The following SLC25A21 variants were observed in gnomAD, a reference collection of about 807,000 sequenced individuals.
SLC25A21 encodes solute carrier family 25 member 21.
A neutral mutation model predicts 43.8 loss-of-function variants in SLC25A21; 47 were observed. The observed-to-expected ratio is 1.07, with a 90% CI of 0.85 to 1.37. SLC25A21 has a LOEUF of 1.37. Ranked by LOEUF, SLC25A21 falls within the 40% of genes most tolerant of loss-of-function variation. The pLI is 0.00. For missense variants in SLC25A21, 352 were observed against 350.2 expected, an observed-to-expected ratio of 1.00 and a Z score of -0.04; for synonymous variants, 131 against 121.3, an observed-to-expected ratio of 1.08 and a Z score of -0.52.
chr14:37,011,683 C>A lies in SLC25A21; in HGVS notation c.71-136679G>T, dbSNP rs138060246. On this transcript the variant is annotated intron_variant, in intron 1 of 9. Transcript: ENST00000331299. ...AGCTAATACGTTTATAGAGTGTATG[C>A]GCCAGGCACTGTTGCAAGCATTTGA... Among the ~76,000 whole-genome samples the A allele has an allele frequency of 3.5e-4, 53 of 152,212 alleles. No homozygotes were observed. In the East Asian group the frequency reaches 6.4e-3, roughly 18 times the overall value.
At chr14:36,764,231 A>G (rs138788790) in intron 3 of SLC25A21, among the ~76,000 whole-genome samples, 1 of 151,428 alleles carries the variant, frequency 6.6e-6, no homozygotes, top group South Asian at 2.1e-4. Context: ...GACAAAACTC[A>G]TCTCAAGGGA....
intron 1 of SLC25A21, among the ~76,000 whole-genome samples, chr14:36,910,435 G>A (rs1298027671): frequency 6.6e-6 from 1 of 152,088 alleles, no homozygotes. Context: ...ATTTCTAAAG[G>A]GAGAACTCTT....
chr14:36,881,655 A>T (rs889391059), intron 1 of SLC25A21, among the ~76,000 whole-genome samples: 7 of 152,170 alleles, frequency 4.6e-5, no homozygotes, highest in Non-Finnish European at 8.8e-5. Context: ...AACTACATAG[A>T]CGGACTGATT....
intron 1 of SLC25A21, among the ~76,000 whole-genome samples, chr14:37,057,368 T>G (rs962640656): frequency 1.3e-5 from 2 of 152,222 alleles, no homozygotes; most frequent in Admixed American, 6.5e-5. Flanking sequence ...CAATAAATTT[T>G]ATGATGAATT....
chr14:36,721,758 G>T (rs978665113), intron 6 of SLC25A21, among the ~76,000 whole-genome samples: 2 of 152,242 alleles, frequency 1.3e-5, no homozygotes, highest in African/African-American at 4.8e-5. Flanking sequence ...CACCTGATCA[G>T]TTGAGAAGGT....
At chr14:37,129,674 TA>T (rs5807931) in intron 1 of SLC25A21, among the ~76,000 whole-genome samples, 15,244 of 136,306 alleles carry the variant, frequency 0.11, 1,755 homozygotes, top group African/African-American at 0.3. Context: ...TAACAGTTAT[TA>T]AAAAAAAAAA....
intron 2 of SLC25A21, among the ~76,000 whole-genome samples, chr14:36,844,953 C>T (rs145437004): frequency 1.3e-5 from 2 of 152,318 alleles, no homozygotes; most frequent in Admixed American, 6.5e-5. Flanking sequence ...TGTAATATTC[C>T]ATATGCCAAA....
At chr14:37,058,050 C>T (rs1961868430) in intron 1 of SLC25A21, among the ~76,000 whole-genome samples, 1 of 152,178 alleles carries the variant, frequency 6.6e-6, no homozygotes, top group South Asian at 2.1e-4. Context: ...CCAGCACTTT[C>T]CCAGGCTCAC....
At chr14:37,160,494 C>G (rs1963920674) in intron 1 of SLC25A21, among the ~76,000 whole-genome samples, 1 of 152,114 alleles carries the variant, frequency 6.6e-6, no homozygotes, top group African/African-American at 2.4e-5. Context: ...CATGTTCTCA[C>G]TTATACGTGG....
chr14:36,859,016 G>T, intron 2 of SLC25A21, among the ~76,000 whole-genome samples: 1 of 152,120 alleles, frequency 6.6e-6, no homozygotes, highest in East Asian at 1.9e-4. Context: ...CTCAGAAGTT[G>T]CAGTTAACAT....
chr14:36,957,297 C>T (rs1420623247), intron 1 of SLC25A21, among the ~76,000 whole-genome samples: 1 of 152,188 alleles, frequency 6.6e-6, no homozygotes, highest in Non-Finnish European at 1.5e-5. Context: ...GGAGGAAGAG[C>T]GGCCTTAATC....
chr14:36,721,477 A>G (rs1884371693), intron 6 of SLC25A21, among the ~76,000 whole-genome samples: 2 of 152,176 alleles, frequency 1.3e-5, no homozygotes, highest in Admixed American at 6.5e-5. Context: ...CATTTTACCA[A>G]TGAGGGAACT....
intron 2 of SLC25A21, among the ~76,000 whole-genome samples, chr14:36,865,013 C>T (rs1046013078): frequency 3.3e-5 from 5 of 151,774 alleles, no homozygotes; most frequent in Non-Finnish European, 2.9e-5. Flanking sequence ...TAAAAAGATT[C>T]CTTTCTTTTC....
At chr14:37,156,158 CAAA>C (rs61052100) in intron 1 of SLC25A21, among the ~76,000 whole-genome samples, 31,554 of 103,390 alleles carry the variant, frequency 0.31, 3,444 homozygotes, top group South Asian at 0.37. Context: ...GACTCCATCT[CAAA>C]AAAAAAAAAA....
chr14:36,821,137 C>T (rs545938320), intron 2 of SLC25A21, among the ~76,000 whole-genome samples: 2 of 152,266 alleles, frequency 1.3e-5, no homozygotes, highest in Non-Finnish European at 1.5e-5. Flanking sequence ...TGTGTACACA[C>T]CGACCTCACC....
At chr14:36,936,153 A>G (rs1892418474) in intron 1 of SLC25A21, among the ~76,000 whole-genome samples, 1 of 152,186 alleles carries the variant, frequency 6.6e-6, no homozygotes, top group South Asian at 2.1e-4. Context: ...AGAAACTTGC[A>G]TCTGCATTTC....
intron 2 of SLC25A21, among the ~76,000 whole-genome samples, chr14:36,814,289 A>T (rs1238549854): frequency 2.0e-5 from 3 of 152,364 alleles, no homozygotes; most frequent in African/African-American, 7.2e-5. Context: ...CCTTTTGTGA[A>T]GAGCATACAC....
At chr14:37,143,251 G>A (rs1173569973) in intron 1 of SLC25A21, among the ~76,000 whole-genome samples, 3 of 152,146 alleles carry the variant, frequency 2.0e-5, no homozygotes, top group East Asian at 1.9e-4. Context: ...ACCAGCTTAC[G>A]AAAGCAAAAT....
At chr14:37,082,885 G>C (rs1475551797) in intron 1 of SLC25A21, among the ~76,000 whole-genome samples, 1 of 152,148 alleles carries the variant, frequency 6.6e-6, no homozygotes, top group African/African-American at 2.4e-5. Flanking sequence ...TTTCAACACT[G>C]CTATAACTCA....
Sources: gnomAD v4.1 joint callset for allele counts (sites outside exome capture counted in the v4.1 genomes callset) on GRCh38, gnomAD v4.1.1 for gene constraint, MANE v1.5 for transcripts, NCBI Gene and HGNC (gene_info 2026-07-23, HGNC 2026-07-21) for gene names.